Variants in CRACD observed in about 807,000 individuals in gnomAD.
CRACD encodes the protein capping protein inhibiting regulator of actin dynamics, also known as capping protein-inhibiting regulator of actin dynamics.
In CRACD, 56 loss-of-function variants were observed where a neutral mutation model predicts 106.8. The observed-to-expected ratio is 0.52, with a 90% CI of 0.42 to 0.66. The LOEUF (loss-of-function observed/expected upper bound fraction) is 0.66, where lower values mean the gene tolerates loss of function less well. Among genes scored for constraint, CRACD ranks in the 30% least tolerant of loss-of-function variants. The pLI is 0.00. For synonymous variants in CRACD, 754 were observed against 670.8 expected, an observed-to-expected ratio of 1.12 and a Z score of -1.92; for missense variants, 1,730 against 1,623.2, an observed-to-expected ratio of 1.07 and a Z score of -1.13.
At chr4:56,257,222 C>T (rs1405542608) in intron 2 of CRACD, among the ~76,000 whole-genome samples, 2 of 151,894 alleles carry the variant, frequency 1.3e-5, no homozygotes, top group African/African-American at 4.8e-5. Flanking sequence ...GCTGGGATTA[C>T]AGGTGCCCAC....
chr4:56,123,947 AT>A (rs3036813), intron 1 of CRACD, among the ~76,000 whole-genome samples: 2,380 of 151,320 alleles, frequency 0.016, 39 homozygotes, highest in East Asian at 0.065. Flanking sequence ...TTTTAAAATC[AT>A]TTTTTTTTAT....
intron 2 of CRACD, among the ~76,000 whole-genome samples, chr4:56,255,818 G>A (rs368065049): frequency 3.3e-5 from 5 of 152,144 alleles, no homozygotes; most frequent in South Asian, 2.1e-4. Context: ...TGGAGGCAAC[G>A]TATTTCTCAT....
rs1382233874 is a variant in CRACD, at chr4:56,298,797, G to A, written c.120+448G>A. 2.6e-5 allele frequency among the ~76,000 whole-genome samples: 4 copies of A among 152,080 alleles called. 1 individual carries two copies. The highest frequency in any genetic ancestry group is 4.1e-4 in the South Asian group (2 of 4,822). On this transcript the variant is annotated intron_variant, in intron 4 of 10. Transcript: ENST00000682029. ...AAAATGCAAAAATTAGCTGGATGTG[G>A]TGGCACACACCTGTAATCCCAGCTA...
chr4:56,319,567 G>A (rs1175957759), intron 8 of CRACD, among the ~76,000 whole-genome samples: 2 of 151,386 alleles, frequency 1.3e-5, no homozygotes, highest in Non-Finnish European at 2.9e-5. Flanking sequence ...TCTCACCACT[G>A]CACTCCAACC....
intron 2 of CRACD, among the ~76,000 whole-genome samples, chr4:56,222,499 C>G (rs145205136): frequency 4.9e-4 from 75 of 152,022 alleles, no homozygotes; most frequent in African/African-American, 1.8e-3. Context: ...TATAATACAT[C>G]CATGTAACCA....
intron 4 of CRACD, among the ~76,000 whole-genome samples, chr4:56,300,926 G>A (rs1327461549): frequency 6.6e-6 from 1 of 152,156 alleles, no homozygotes; most frequent in East Asian, 1.9e-4. Flanking sequence ...TAACTTCCCC[G>A]AAGTGACAAT....
chr4:56,134,869 T>G (rs1325707066), intron 1 of CRACD, among the ~76,000 whole-genome samples: 1 of 151,972 alleles, frequency 6.6e-6, no homozygotes, highest in Non-Finnish European at 1.5e-5. Flanking sequence ...GGAAGGCTGA[T>G]TGCCTGGAGA....
chr4:56,213,575 A>G (rs1187985639), intron 2 of CRACD, among the ~76,000 whole-genome samples: 1 of 152,254 alleles, frequency 6.6e-6, no homozygotes, highest in Non-Finnish European at 1.5e-5. Context: ...GAGAGACTCC[A>G]GTACAGCCAC....
intron 2 of CRACD, among the ~76,000 whole-genome samples, chr4:56,213,988 G>A (rs562032658): frequency 1.2e-4 from 18 of 152,216 alleles, no homozygotes; most frequent in African/African-American, 4.3e-4. Flanking sequence ...GGGTAGAAAG[G>A]GTGAGAAACA....
At chr4:56,120,128 A>G (rs1734435872) in intron 1 of CRACD, among the ~76,000 whole-genome samples, 3 of 152,230 alleles carry the variant, frequency 2.0e-5, no homozygotes, top group Admixed American at 2.0e-4. Flanking sequence ...ATCAGTGTTC[A>G]CTGGTTACAT....
At chr4:56,287,770 T>G (rs1374194956) in intron 3 of CRACD, among the ~76,000 whole-genome samples, 1 of 152,156 alleles carries the variant, frequency 6.6e-6, no homozygotes, top group Non-Finnish European at 1.5e-5. Context: ...TTAATTCATC[T>G]GACTCTGGGT....
chr4:56,292,864 A>G (rs1195114485), intron 3 of CRACD, among the ~76,000 whole-genome samples: 1 of 152,166 alleles, frequency 6.6e-6, no homozygotes, highest in Admixed American at 6.5e-5. Flanking sequence ...AAGTCTAATT[A>G]AAAATTACCA....
chr4:56,319,902 G>A (rs911742345), intron 8 of CRACD, among the ~76,000 whole-genome samples: 3 of 152,088 alleles, frequency 2.0e-5, no homozygotes, highest in African/African-American at 7.2e-5. Flanking sequence ...GGCCAGGCAC[G>A]GTGGCTCACA....
chr4:56,326,601 C>T (rs1400305078), intron 10 of CRACD, among the ~76,000 whole-genome samples: 1 of 152,162 alleles, frequency 6.6e-6, no homozygotes, highest in Non-Finnish European at 1.5e-5. Flanking sequence ...AGCACCCTCT[C>T]ACATTAAGAA....
At chr4:56,111,192 T>C (rs1383600720) in intron 1 of CRACD, among the ~76,000 whole-genome samples, 1 of 151,954 alleles carries the variant, frequency 6.6e-6, no homozygotes, top group Non-Finnish European at 1.5e-5. Context: ...GTAGGAGGTA[T>C]GGATGTGGAC....
chr4:56,133,052 G>A (rs1734881003), intron 1 of CRACD, among the ~76,000 whole-genome samples: 1 of 152,198 alleles, frequency 6.6e-6, no homozygotes, highest in African/African-American at 2.4e-5. Flanking sequence ...TTAGAGGTCT[G>A]ATTGCCCTTG....
chr4:56,321,204 C>A (rs1746080254), intron 8 of CRACD: 1 of 264,506 alleles, frequency 3.8e-6, no homozygotes, highest in Non-Finnish European at 7.5e-6. Context: ...TCTTCTTCTC[C>A]CATTTTTGAG....
intron 1 of CRACD, among the ~76,000 whole-genome samples, chr4:56,159,052 A>G (rs1469056620): frequency 6.6e-6 from 1 of 152,194 alleles, no homozygotes; most frequent in Non-Finnish European, 1.5e-5. Flanking sequence ...ATGTGATGGC[A>G]GTTATTACTT....
At chr4:56,251,356 C>A (rs1425516791) in intron 2 of CRACD, among the ~76,000 whole-genome samples, 1 of 152,144 alleles carries the variant, frequency 6.6e-6, no homozygotes, top group Non-Finnish European at 1.5e-5. Flanking sequence ...ACTTCCAGCT[C>A]CTTGAAATTG....
Sources: gnomAD v4.1 joint callset for allele counts (sites outside exome capture counted in the v4.1 genomes callset) on GRCh38, gnomAD v4.1.1 for gene constraint, MANE v1.5 for transcripts, NCBI Gene and HGNC (gene_info 2026-07-23, HGNC 2026-07-21) for gene names.